Variants in ZMIZ1 observed in about 807,000 individuals in gnomAD.
ZMIZ1 encodes the protein zinc finger MIZ domain-containing protein 1.
In ZMIZ1, 17 loss-of-function variants were observed where a neutral mutation model predicts 113.9. That is an observed-to-expected ratio of 0.15 (90% CI 0.10 to 0.22). ZMIZ1 has a LOEUF of 0.22. ZMIZ1 is among the 10% of genes least tolerant of loss of function. ZMIZ1 has a pLI of 1.00. For synonymous variants in ZMIZ1, 607 were observed against 603.1 expected, an observed-to-expected ratio of 1.01 and a Z score of -0.09; for missense variants, 1,059 against 1,477.8, an observed-to-expected ratio of 0.72 and a Z score of 4.65.
At chr10:79,291,321 T>C in intron 10 of ZMIZ1, 145 bp downstream of exon 10, 1 of 1,082,888 alleles carries the variant, frequency 9.2e-7, no homozygotes, top group Admixed American at 3.1e-5. Flanking sequence ...AGGGGCTCAG[T>C]CATCCCTGGC....
chr10:79,231,084 G>A (rs1460393494), intron 7 of ZMIZ1, among the ~76,000 whole-genome samples: 2 of 152,238 alleles, frequency 1.3e-5, no homozygotes, highest in Non-Finnish European at 2.9e-5. Context: ...CTAGGCAGAT[G>A]ACACAAAGAT....
At chr10:79,292,966 C>A in intron 11 of ZMIZ1, 1 of 441,726 alleles carries the variant, frequency 2.3e-6, no homozygotes, top group Non-Finnish European at 4.4e-6. Flanking sequence ...GGACCAAGGG[C>A]AGGGCCAGGG....
intron 4 of ZMIZ1, among the ~76,000 whole-genome samples, chr10:79,190,917 G>A (rs1439823887): frequency 1.3e-5 from 2 of 152,182 alleles, no homozygotes; most frequent in Non-Finnish European, 2.9e-5. Context: ...CTCAAGCTAA[G>A]CCCTCCCCTC....
intron 23 of ZMIZ1, among the ~76,000 whole-genome samples, chr10:79,310,418 G>A (rs1855052666): frequency 1.3e-5 from 2 of 152,190 alleles, no homozygotes. Context: ...CCTGCCCAGG[G>A]CCCACTTGGG....
intron 7 of ZMIZ1, among the ~76,000 whole-genome samples, chr10:79,243,321 G>A (rs1037410888): frequency 3.5e-4 from 52 of 150,196 alleles, no homozygotes; most frequent in African/African-American, 1.1e-3. Flanking sequence ...TGTCGCTTGC[G>A]CCCGGGCGCG....
At chr10:79,133,583 G>A (rs970862262) in intron 2 of ZMIZ1, among the ~76,000 whole-genome samples, 1 of 152,144 alleles carries the variant, frequency 6.6e-6, no homozygotes, top group Admixed American at 6.5e-5. Context: ...TTCCTGCCAG[G>A]GAGGCCATTC....
intron 24 of ZMIZ1, among the ~76,000 whole-genome samples, 191 bp from the exon 25 acceptor site, chr10:79,312,451 C>G (rs1026655237): frequency 1.3e-5 from 2 of 152,234 alleles, no homozygotes; most frequent in Non-Finnish European, 2.9e-5. Flanking sequence ...GCCCCACACT[C>G]GGTGCAGTGG....
chr10:79,140,293 C>A (rs2132410563), intron 3 of ZMIZ1, among the ~76,000 whole-genome samples: 1 of 152,336 alleles, frequency 6.6e-6, no homozygotes, highest in Admixed American at 6.5e-5. Context: ...CCAAAGTTCT[C>A]CCTGTCAGCT....
intron 23 of ZMIZ1, among the ~76,000 whole-genome samples, chr10:79,310,415 A>G (rs1318355117): frequency 6.6e-6 from 1 of 152,146 alleles, no homozygotes; most frequent in Non-Finnish European, 1.5e-5. Flanking sequence ...ACCCCTGCCC[A>G]GGGCCCACTT....
chr10:79,172,921 C>T (rs888569645), intron 4 of ZMIZ1, among the ~76,000 whole-genome samples: 15 of 152,146 alleles, frequency 9.9e-5, no homozygotes, highest in Non-Finnish European at 1.9e-4. Context: ...CCTTTGGTGC[C>T]CAGCAGTTTG....
intron 8 of ZMIZ1, among the ~76,000 whole-genome samples, chr10:79,282,164 A>C (rs932942228): frequency 6.6e-6 from 1 of 152,260 alleles, no homozygotes; most frequent in Non-Finnish European, 1.5e-5. Context: ...ATAAGTCCTC[A>C]GTGCAATTTC....
intron 3 of ZMIZ1, among the ~76,000 whole-genome samples, chr10:79,152,306 C>T (rs1021089907): frequency 6.6e-6 from 1 of 152,164 alleles, no homozygotes; most frequent in Admixed American, 6.5e-5. Context: ...TGAGACCAGC[C>T]TGGGCAACAT....
rs1258439189 is a variant in ZMIZ1 at position 79,293,630 on chromosome 10, A to G, written c.1207A>G (p.Ile403Val). ...GCCCCAGTCCCTTCCTATTCAGAAC[A>G]TAAAGAGGCCATACCCTGGAGAGGT... ...PRPQSLPIQN[I>V]KRPYPGEPNY... Residue 403 changes from isoleucine (I) to valine (V), a missense_variant, in exon 12 of 25, where the codon ATA (isoleucine) becomes GTA (valine). By Grantham distance (29) the Ile-to-Val change is conservative. This residue lies in a region of ZMIZ1 where 239 missense variants were observed against 247.5 expected (regional missense o/e 0.97). Transcript: ENST00000334512. 2 of 1,612,964 alleles carry G rather than the reference A, an allele frequency of 1.2e-6. No individual in the cohort carries two copies. The highest frequency in any genetic ancestry group is 1.7e-6 in the Non-Finnish European group (2 of 1,180,024).
At position 79,240,638 on chromosome 10, in the gene ZMIZ1, C is replaced by CTTTTTTTTTTTTTTTTTTTTTTTTTTTT. The variant is rs56903717; in HGVS notation, c.280+24391_280+24392insTTTTTTTTTTTTTTTTTTTTTTTTTTTT. Reference sequence around the variant, plus strand: ...CGTAAATCTAGTGAAGAGTATTTATCTTTTTTTTTTTTTTTTTTTTTTTTT... The same window carrying CTTTTTTTTTTTTTTTTTTTTTTTTTTTT: ...CGTAAATCTAGTGAAGAGTATTTATCTTTTTTTTTTTTTTTTTTTTTTTTTTTTTTTTTTTTTTTTTTTTTTTTTTTTT... On this transcript the variant is annotated intron_variant, in intron 7 of 24. Coordinates refer to ENST00000334512, the MANE Select transcript of ZMIZ1 (RefSeq NM_020338.4). Among the ~76,000 whole-genome samples the CTTTTTTTTTTTTTTTTTTTTTTTTTTTT allele has an allele frequency of 4.5e-4, 25 of 55,322 alleles. 2 individuals are homozygous for CTTTTTTTTTTTTTTTTTTTTTTTTTTTT. The East Asian group carries it at 7.8e-3, about 17-fold the overall frequency. The allele number at this position is 55,322 out of a possible 152,430, so 36.3% of individuals were successfully genotyped here.
At chr10:79,310,455 C>T (rs1485698494) in intron 23 of ZMIZ1, among the ~76,000 whole-genome samples, 2 of 152,228 alleles carry the variant, frequency 1.3e-5, no homozygotes, top group Non-Finnish European at 2.9e-5. Context: ...CTGAGCCGCA[C>T]GCCCGCCCAA....
chr10:79,071,856 C>T (rs1338063139), intron 1 of ZMIZ1, among the ~76,000 whole-genome samples: 1 of 151,996 alleles, frequency 6.6e-6, no homozygotes, highest in Non-Finnish European at 1.5e-5. Context: ...GTTTTGTTTT[C>T]CCCCAAAGGA....
chr10:79,077,937 G>A (rs1054090470), intron 1 of ZMIZ1, among the ~76,000 whole-genome samples: 20 of 152,170 alleles, frequency 1.3e-4, no homozygotes, highest in African/African-American at 2.9e-4. Context: ...GATTGCCCAG[G>A]TCATGTGGTG....
At chr10:79,257,946 C>T (rs1163077562) in intron 7 of ZMIZ1, among the ~76,000 whole-genome samples, 1 of 152,204 alleles carries the variant, frequency 6.6e-6, no homozygotes, top group Non-Finnish European at 1.5e-5. Context: ...TTGTCATGTG[C>T]CAGGCTTTGT....
At chr10:79,114,049 A>G (rs1589286492) in intron 1 of ZMIZ1, among the ~76,000 whole-genome samples, 1 of 151,858 alleles carries the variant, frequency 6.6e-6, no homozygotes, top group South Asian at 2.1e-4. Context: ...CCGGACTCCT[A>G]CCCCCGATCC....
Sources: allele counts gnomAD v4.1 joint callset (sites outside exome capture counted in the v4.1 genomes callset), GRCh38; gene constraint gnomAD v4.1.1; regional missense constraint gnomAD v4.1.1; transcripts MANE v1.5; gene names NCBI Gene and HGNC (gene_info 2026-07-23, HGNC 2026-07-21).